ST6GALNAC3: variants seen among roughly 807,000 people sequenced by gnomAD.
ST6GALNAC3 encodes alpha-N-acetylgalactosaminide alpha-2,6-sialyltransferase 3.
Under a neutral mutation model 32.7 loss-of-function variants are expected in ST6GALNAC3, and 25 were observed. The observed-to-expected ratio is 0.76, with a 90% CI of 0.56 to 1.07. The LOEUF (loss-of-function observed/expected upper bound fraction) is 1.07. Ranked by LOEUF, ST6GALNAC3 falls within the 50% of genes least tolerant of loss-of-function variation. ST6GALNAC3 has a pLI of 0.00. For synonymous variants in ST6GALNAC3, 129 were observed against 133.1 expected (o/e 0.97, Z 0.21); for missense variants, 355 against 382.4 (o/e 0.93, Z 0.60).
At chr1:76,212,428 T>C (rs1290377544) in intron 1 of ST6GALNAC3, among the ~76,000 whole-genome samples, 1 of 152,152 alleles carries the variant, frequency 6.6e-6, no homozygotes, top group African/African-American at 2.4e-5. Flanking sequence ...ATCATGTTGA[T>C]TTTTAATCAA....
chr1:76,433,384 A>AT (rs1655910991), intron 3 of ST6GALNAC3, among the ~76,000 whole-genome samples: 1 of 152,156 alleles, frequency 6.6e-6, no homozygotes, highest in South Asian at 2.1e-4. Flanking sequence ...AATATGCTCT[A>AT]AAGTCCAAAA....
In ST6GALNAC3 at chr1:76,633,143, A is replaced by AGTT. The variant is rs1233577007; in HGVS notation, c.*4338_*4340dup. On this transcript the variant is annotated 3_prime_UTR_variant, in exon 5 of 5. Coordinates refer to ENST00000328299, the MANE Select transcript of ST6GALNAC3 (RefSeq NM_152996.4). ...GACAGAGGTGAAGTGACTTGCCTGTAGTTATAAACTGGACTAATGGCAGTA... is the reference window on the plus strand; with the variant it reads ...GACAGAGGTGAAGTGACTTGCCTGTAGTTGTTATAAACTGGACTAATGGCAGTA... 1 of 152,214 alleles carries AGTT rather than the reference A, an allele frequency of 6.6e-6. No individual in the cohort carries two copies. Among genetic ancestry groups the AGTT allele is most frequent in the Non-Finnish European group, 1.5e-5 (1 of 68,032 alleles). 9.4% of individuals were successfully genotyped at this position (152,214 alleles called of 1,614,324 possible).
At chr1:76,489,605 C>T (rs1428950356) in intron 3 of ST6GALNAC3, among the ~76,000 whole-genome samples, 3 of 152,092 alleles carry the variant, frequency 2.0e-5, no homozygotes, top group African/African-American at 7.2e-5. Flanking sequence ...ATATGATTTG[C>T]AGTTCCATGG....
At chr1:76,114,040 G>A (rs942792245) in intron 1 of ST6GALNAC3, among the ~76,000 whole-genome samples, 1 of 137,790 alleles carries the variant, frequency 7.3e-6, no homozygotes, top group Non-Finnish European at 1.5e-5. Context: ...ACGGAGTCTC[G>A]CCATGTTGGC....
At chr1:76,160,978 C>T (rs1170751983) in intron 1 of ST6GALNAC3, among the ~76,000 whole-genome samples, 1 of 152,206 alleles carries the variant, frequency 6.6e-6, no homozygotes, top group Non-Finnish European at 1.5e-5. Flanking sequence ...ACTCTACAGG[C>T]AAGCCACTTA....
chr1:76,117,670 G>A (rs1034317072), intron 1 of ST6GALNAC3, among the ~76,000 whole-genome samples: 2 of 152,154 alleles, frequency 1.3e-5, no homozygotes, highest in African/African-American at 4.8e-5. Context: ...GCTTTGAGAA[G>A]GTCTAGGCTA....
At chr1:76,120,288 G>A (rs1159587377) in intron 1 of ST6GALNAC3, among the ~76,000 whole-genome samples, 54 of 152,214 alleles carry the variant, frequency 3.5e-4, no homozygotes. Flanking sequence ...TGTGTCCAGA[G>A]TGATCTCGTG....
intron 1 of ST6GALNAC3, among the ~76,000 whole-genome samples, chr1:76,165,678 C>CTGT (rs1285619395): frequency 6.6e-6 from 1 of 152,160 alleles, no homozygotes; most frequent in Non-Finnish European, 1.5e-5. Flanking sequence ...TCACCAGCAT[C>CTGT]TGTTATTTTT....
chr1:76,556,618 T>C (rs899208432), intron 3 of ST6GALNAC3, among the ~76,000 whole-genome samples: 2 of 152,148 alleles, frequency 1.3e-5, no homozygotes, highest in African/African-American at 4.8e-5. Flanking sequence ...CATTTCCTAG[T>C]TGGCTAATAA....
At chr1:76,446,834 T>C (rs575646408) in intron 3 of ST6GALNAC3, among the ~76,000 whole-genome samples, 9 of 152,306 alleles carry the variant, frequency 5.9e-5, no homozygotes, top group African/African-American at 1.7e-4. Flanking sequence ...TTGTGAGGCC[T>C]CCCTAGCCAC....
intron 1 of ST6GALNAC3, among the ~76,000 whole-genome samples, chr1:76,098,806 A>T (rs964104653): frequency 6.6e-6 from 1 of 152,130 alleles, no homozygotes; most frequent in Non-Finnish European, 1.5e-5. Context: ...TTTATTTTAC[A>T]ATTAATAATT....
At chr1:76,287,194 T>A (rs1659831174) in intron 1 of ST6GALNAC3, among the ~76,000 whole-genome samples, 1 of 152,306 alleles carries the variant, frequency 6.6e-6, no homozygotes, top group African/African-American at 2.4e-5. Context: ...ATGTCCTTAG[T>A]CATGAAAATC....
intron 3 of ST6GALNAC3, among the ~76,000 whole-genome samples, chr1:76,537,781 A>C (rs1053660595): frequency 1.3e-5 from 2 of 152,192 alleles, no homozygotes; most frequent in African/African-American, 4.8e-5. Context: ...AAAAGGCTAA[A>C]TTCCTAGACA....
At chr1:76,196,416 AAT>A (rs763814519) in intron 1 of ST6GALNAC3, among the ~76,000 whole-genome samples, 5 of 152,164 alleles carry the variant, frequency 3.3e-5, no homozygotes, top group Non-Finnish European at 5.9e-5. Flanking sequence ...GAATACTATA[AAT>A]ATCAATAGAT....
intron 3 of ST6GALNAC3, among the ~76,000 whole-genome samples, chr1:76,456,255 T>C (rs1157949184): frequency 6.6e-6 from 1 of 152,216 alleles, no homozygotes; most frequent in African/African-American, 2.4e-5. Flanking sequence ...CTGTGACTTC[T>C]TTCTATGCCA....
chr1:76,291,947 G>T (rs1479001602), intron 1 of ST6GALNAC3, among the ~76,000 whole-genome samples: 1 of 152,208 alleles, frequency 6.6e-6, no homozygotes, highest in African/African-American at 2.4e-5. Context: ...TCCTTGACTG[G>T]TGGACAACTC....
At chr1:76,445,348 C>T (rs1656898302) in intron 3 of ST6GALNAC3, among the ~76,000 whole-genome samples, 1 of 152,174 alleles carries the variant, frequency 6.6e-6, no homozygotes, top group Non-Finnish European at 1.5e-5. Flanking sequence ...TCTGCTAAAT[C>T]AGAAACTGGG....
At chr1:76,202,758 T>C (rs1654605176) in intron 1 of ST6GALNAC3, among the ~76,000 whole-genome samples, 1 of 152,148 alleles carries the variant, frequency 6.6e-6, no homozygotes, top group African/African-American at 2.4e-5. Flanking sequence ...TGCAAGCAAG[T>C]CATCTGTATA....
chr1:76,481,835 T>A (rs900788702), intron 3 of ST6GALNAC3, among the ~76,000 whole-genome samples: 12 of 152,148 alleles, frequency 7.9e-5, no homozygotes, highest in African/African-American at 2.9e-4. Context: ...ATATTTTACA[T>A]GCAAATGTCT....
Sources: gnomAD v4.1 joint callset for allele counts (sites outside exome capture counted in the v4.1 genomes callset) on GRCh38, gnomAD v4.1.1 for gene constraint, MANE v1.5 for transcripts, NCBI Gene and HGNC (gene_info 2026-07-23, HGNC 2026-07-21) for gene names.